CADM2: variants seen among roughly 807,000 people sequenced by gnomAD.
CADM2 encodes the protein cell adhesion molecule 2.
CADM2 carries 12 observed loss-of-function variants against 49.8 expected under a neutral mutation model. The observed-to-expected ratio is 0.24, with a 90% CI of 0.15 to 0.39. The LOEUF (loss-of-function observed/expected upper bound fraction) is 0.39, where lower values mean the gene tolerates loss of function less well. Ranked by LOEUF, CADM2 falls within the 10% of genes least tolerant of loss-of-function variation. CADM2 has a pLI of 1.00. For missense variants in CADM2, 378 were observed against 492.3 expected (o/e 0.77, Z 2.20); for synonymous variants, 214 against 175.4 (o/e 1.22, Z -1.74).
intron 1 of CADM2, among the ~76,000 whole-genome samples, chr3:84,986,617 C>T (rs931873506): frequency 6.7e-6 from 1 of 148,772 alleles, no homozygotes; most frequent in African/African-American, 2.5e-5. Flanking sequence ...GTGGGGGGAG[C>T]GGGGAGGGAT....
chr3:85,496,418 C>T (rs1224938222), intron 1 of CADM2, among the ~76,000 whole-genome samples: 4 of 152,060 alleles, frequency 2.6e-5, no homozygotes, highest in Non-Finnish European at 4.4e-5. Context: ...GTATATGTAC[C>T]ACATTTTCTT....
chr3:86,028,195 G>A (rs1457189288), intron 8 of CADM2, among the ~76,000 whole-genome samples: 1 of 143,906 alleles, frequency 6.9e-6, no homozygotes, highest in Non-Finnish European at 1.5e-5. Flanking sequence ...AGAACTTAAA[G>A]TATAATAAAT....
intron 1 of CADM2, among the ~76,000 whole-genome samples, chr3:85,342,504 A>G (rs996485747): frequency 2.6e-5 from 4 of 152,192 alleles, no homozygotes; most frequent in African/African-American, 9.6e-5. Flanking sequence ...ATGAAGACAG[A>G]ATTAGAAAAT....
chr3:85,568,701 C>G (rs1189887240), intron 1 of CADM2, among the ~76,000 whole-genome samples: 4 of 149,134 alleles, frequency 2.7e-5, no homozygotes, highest in Admixed American at 6.7e-5. Context: ...CTCCTGGGAG[C>G]AGGCAATTCT....
At chr3:85,330,410 A>G (rs1449429930) in intron 1 of CADM2, among the ~76,000 whole-genome samples, 1 of 152,140 alleles carries the variant, frequency 6.6e-6, no homozygotes, top group Non-Finnish European at 1.5e-5. Context: ...TATGTTTTAA[A>G]TTTTAAAATG....
At chr3:85,928,158 ATT>A (rs11328574) in intron 6 of CADM2, among the ~76,000 whole-genome samples, 285 of 130,570 alleles carry the variant, frequency 2.2e-3, no homozygotes, top group Middle Eastern at 8.1e-3. Flanking sequence ...TAAAAGAAGA[ATT>A]TTTTTTTTTT....
intron 5 of CADM2, among the ~76,000 whole-genome samples, chr3:85,910,992 A>G (rs984814723): frequency 2.0e-5 from 3 of 152,144 alleles, no homozygotes; most frequent in Non-Finnish European, 4.4e-5. Flanking sequence ...AGGCACAAAG[A>G]TAGAAAAACT....
rs1389148194 is a variant in CADM2, at chr3:85,357,425, T to G, written c.62-369097T>G. ...AATTCTTATAACTAGGATCATTCTT[T>G]GGATTCAGACCATCTCTCAAAGATC... On this transcript the variant is annotated intron_variant, in intron 1 of 9. Transcript: ENST00000383699. Among the ~76,000 whole-genome samples, 3 of 152,170 alleles carry G rather than the reference T, an allele frequency of 2.0e-5. No homozygotes were observed. In the East Asian group the frequency reaches 5.8e-4, roughly 29 times the overall value.
At chr3:85,523,511 A>G (rs1243778209) in intron 1 of CADM2, among the ~76,000 whole-genome samples, 1 of 152,110 alleles carries the variant, frequency 6.6e-6, no homozygotes, top group Non-Finnish European at 1.5e-5. Flanking sequence ...TTGGCTGGAA[A>G]ACTCATGTAA....
chr3:85,450,835 T>TA (rs1255304818), intron 1 of CADM2, among the ~76,000 whole-genome samples: 4 of 152,006 alleles, frequency 2.6e-5, no homozygotes, highest in Non-Finnish European at 4.4e-5. Flanking sequence ...TGAAATAAAA[T>TA]AAAAAGACTA....
intron 7 of CADM2, among the ~76,000 whole-genome samples, chr3:85,941,198 T>G (rs1205548107): frequency 1.3e-5 from 2 of 152,124 alleles, no homozygotes; most frequent in Non-Finnish European, 2.9e-5. Context: ...GATAAATTAT[T>G]ACTTGATCAA....
chr3:85,038,614 T>G (rs2107354264), intron 1 of CADM2, among the ~76,000 whole-genome samples: 1 of 152,340 alleles, frequency 6.6e-6, no homozygotes, highest in East Asian at 1.9e-4. Flanking sequence ...ACTTGAGATT[T>G]ATACATTCCT....
At chr3:85,918,171 C>T (rs1413491951) in intron 6 of CADM2, among the ~76,000 whole-genome samples, 1 of 152,098 alleles carries the variant, frequency 6.6e-6, no homozygotes, top group Non-Finnish European at 1.5e-5. Context: ...ATTGGCCTGG[C>T]CAGAACTTCC....
chr3:85,498,086 A>G (rs2039976201), intron 1 of CADM2, among the ~76,000 whole-genome samples: 1 of 152,062 alleles, frequency 6.6e-6, no homozygotes, highest in South Asian at 2.1e-4. Context: ...GTTCCCAGCC[A>G]AGATCAAACA....
At chr3:85,577,109 C>G (rs752767988) in intron 1 of CADM2, among the ~76,000 whole-genome samples, 1 of 152,070 alleles carries the variant, frequency 6.6e-6, no homozygotes, top group Non-Finnish European at 1.5e-5. Context: ...AGTCTTTATC[C>G]GTTGATTCTC....
chr3:85,583,475 T>C (rs2062853239), intron 1 of CADM2, among the ~76,000 whole-genome samples: 1 of 152,096 alleles, frequency 6.6e-6, no homozygotes, highest in Non-Finnish European at 1.5e-5. Flanking sequence ...TCTCTAATCA[T>C]TGTCATTCTA....
chr3:85,252,878 C>A (rs571454219), intron 1 of CADM2, among the ~76,000 whole-genome samples: 2 of 152,122 alleles, frequency 1.3e-5, no homozygotes, highest in South Asian at 2.1e-4. Context: ...TTAATGACAT[C>A]ATCATTATGT....
rs187405224 is a variant in CADM2, at chr3:85,604,133, C to A, written c.62-122389C>A. On this transcript the variant is annotated intron_variant, in intron 1 of 9. Transcript: ENST00000383699. ...GGAGAGAAAGGATAAATAATGTATT[C>A]TTTGTGTACACATAATTTACTTGAT... 5.3e-5 allele frequency among the ~76,000 whole-genome samples: 8 copies of A among 151,888 alleles called. No individual in the cohort carries two copies. In the East Asian group the frequency reaches 1.2e-3, roughly 22 times the overall value.
At chr3:85,288,920 A>G (rs2043705373) in intron 1 of CADM2, among the ~76,000 whole-genome samples, 1 of 151,962 alleles carries the variant, frequency 6.6e-6, no homozygotes, top group South Asian at 2.1e-4. Context: ...TCTTCCTGAT[A>G]TATGAACAGT....
Sources: allele counts gnomAD v4.1 joint callset (sites outside exome capture counted in the v4.1 genomes callset), GRCh38; gene constraint gnomAD v4.1.1; transcripts MANE v1.5; gene names NCBI Gene and HGNC (gene_info 2026-07-23, HGNC 2026-07-21).